The following VRK2 variants were observed in gnomAD, a reference collection of about 807,000 sequenced individuals.
VRK2 encodes the protein serine/threonine-protein kinase VRK2.
A neutral mutation model predicts 57.6 loss-of-function variants in VRK2; 60 were observed. The ratio of observed to expected loss-of-function variants is 1.04; its 90% confidence interval spans 0.85 to 1.29. The LOEUF is 1.29. Among genes scored for constraint, VRK2 ranks in the 50% most tolerant of loss-of-function variants. The pLI is 0.00. For missense variants in VRK2, 705 were observed against 588.1 expected (o/e 1.20, Z -2.06); for synonymous variants, 231 against 199.2 (o/e 1.16, Z -1.35).
intron 1 of VRK2, among the ~76,000 whole-genome samples, chr2:57,929,513 G>A (rs116725372): frequency 2.3e-3 from 343 of 152,260 alleles, no homozygotes; most frequent in Middle Eastern, 3.4e-3. Flanking sequence ...CCAAGGCCTG[G>A]AATCAGGGAC....
At chr2:58,156,576 GGT>G (rs1243909796) in intron 12 of VRK2, among the ~76,000 whole-genome samples, 2 of 142,126 alleles carry the variant, frequency 1.4e-5, no homozygotes, top group Non-Finnish European at 2.9e-5. Context: ...GTTGGGTGGT[GGT>G]GTTTTTTTTG....
At chr2:58,034,880 G>C (rs1674227547) in intron 3 of VRK2, among the ~76,000 whole-genome samples, 1 of 151,918 alleles carries the variant, frequency 6.6e-6, no homozygotes. Flanking sequence ...TTCACTCTTG[G>C]ATTCAGTGGT....
intron 10 of VRK2, among the ~76,000 whole-genome samples, chr2:58,136,826 GTATA>G (rs1172675725): frequency 2.2e-5 from 3 of 138,506 alleles, no homozygotes; most frequent in East Asian, 2.0e-4. Flanking sequence ...ATATATGTGT[GTATA>G]TATATCATAT....
At chr2:58,121,991 A>G (rs1467481930) in intron 7 of VRK2, among the ~76,000 whole-genome samples, 1 of 152,200 alleles carries the variant, frequency 6.6e-6, no homozygotes, top group Non-Finnish European at 1.5e-5. Flanking sequence ...AATCTGAGGT[A>G]AATTCACTTG....
chr2:58,013,858 CAAAAAAA>C (rs60604486), intron 1 of VRK2, among the ~76,000 whole-genome samples: 11,534 of 62,720 alleles, frequency 0.18, 480 homozygotes, highest in East Asian at 0.25. Flanking sequence ...GACTCCGTCT[CAAAAAAA>C]AAAAAAAAAA....
chr2:58,046,020 T>C (rs1302813903), upstream of VRK2, among the ~76,000 whole-genome samples: 1 of 152,102 alleles, frequency 6.6e-6, no homozygotes, highest in East Asian at 1.9e-4. Context: ...ATTTTTTGTA[T>C]TTTTAGTAGA....
At chr2:58,137,219 TATATC>T (rs1294202470) in intron 10 of VRK2, among the ~76,000 whole-genome samples, 4 of 60,260 alleles carry the variant, frequency 6.6e-5, no homozygotes, top group African/African-American at 4.0e-4. Flanking sequence ...ATGATACATA[TATATC>T]ATATGATACA....
At chr2:58,127,581 A>G (rs1396094742) in intron 8 of VRK2, among the ~76,000 whole-genome samples, 2 of 152,192 alleles carry the variant, frequency 1.3e-5, no homozygotes, top group Non-Finnish European at 2.9e-5. Context: ...TATACATCAG[A>G]ATTGACAAAA....
chr2:57,977,479 C>T (rs1672286998), intron 1 of VRK2, among the ~76,000 whole-genome samples: 1 of 151,710 alleles, frequency 6.6e-6, no homozygotes, highest in South Asian at 2.1e-4. Context: ...CTTTTTGTGG[C>T]TTTTGTGAAT....
chr2:57,999,352 T>C (rs1273996972), intron 1 of VRK2, among the ~76,000 whole-genome samples: 6 of 152,198 alleles, frequency 3.9e-5, no homozygotes, highest in African/African-American at 1.4e-4. Flanking sequence ...ATAATATTTA[T>C]ACATAGTTTG....
chr2:58,037,983 AT>A (rs1674328106), intron 3 of VRK2, among the ~76,000 whole-genome samples: 1 of 152,148 alleles, frequency 6.6e-6, no homozygotes, highest in South Asian at 2.1e-4. Flanking sequence ...ACAAGCATTT[AT>A]TTCATTGCCT....
intron 2 of VRK2, among the ~76,000 whole-genome samples, chr2:58,083,682 A>G (rs935954805): frequency 3.3e-5 from 5 of 151,836 alleles, no homozygotes; most frequent in Admixed American, 6.6e-5. Flanking sequence ...ATTTAGTGCA[A>G]TTGAATCAAT....
intron 1 of VRK2, among the ~76,000 whole-genome samples, chr2:57,939,821 C>T (rs1671035695): frequency 6.6e-6 from 1 of 152,150 alleles, no homozygotes; most frequent in African/African-American, 2.4e-5. Flanking sequence ...TGTTCTTTAA[C>T]ATGTCTTGGA....
chr2:58,089,562 T>G, intron 6 of VRK2, 69 bp from the exon 7 acceptor site: 1 of 966,266 alleles, frequency 1.0e-6, no homozygotes, highest in Middle Eastern at 3.0e-4. Context: ...TATTCTATAT[T>G]CAAAATGTTG....
intron 3 of VRK2, among the ~76,000 whole-genome samples, chr2:58,035,140 T>C (rs1349925839): frequency 6.6e-6 from 1 of 152,058 alleles, no homozygotes; most frequent in African/African-American, 2.4e-5. Flanking sequence ...TAATCCTATC[T>C]GTATTACTTT....
chr2:58,142,830 C>T (rs965799572), intron 11 of VRK2, among the ~76,000 whole-genome samples: 1 of 151,834 alleles, frequency 6.6e-6, no homozygotes, highest in Non-Finnish European at 1.5e-5. Context: ...ATCAATGACT[C>T]CCACCTTATT....
chr2:57,942,455 G>C (rs1201219507), intron 1 of VRK2, among the ~76,000 whole-genome samples: 2 of 152,124 alleles, frequency 1.3e-5, no homozygotes, highest in African/African-American at 4.8e-5. Context: ...GCATATGTAA[G>C]TAGGTCCCTG....
At chr2:57,941,983 G>A (rs1031208585) in intron 1 of VRK2, among the ~76,000 whole-genome samples, 2 of 152,188 alleles carry the variant, frequency 1.3e-5, no homozygotes, top group Admixed American at 6.5e-5. Flanking sequence ...GCTTTGTGGG[G>A]ATGGCATGTC....
intron 9 of VRK2, 55 bp from the exon 10 acceptor site, chr2:58,135,086 A>C: frequency 1.3e-6 from 2 of 1,594,994 alleles, no homozygotes; most frequent in South Asian, 2.2e-5. Context: ...TTTCTAGTCA[A>C]AATAATCACA....
Sources: gnomAD v4.1 joint callset for allele counts (sites outside exome capture counted in the v4.1 genomes callset) on GRCh38, gnomAD v4.1.1 for gene constraint, MANE v1.5 for transcripts, NCBI Gene and HGNC (gene_info 2026-07-23, HGNC 2026-07-21) for gene names.